Variants in ZNF768 observed in about 807,000 individuals in gnomAD.
ZNF768 encodes zinc finger protein 768.
ZNF768 carries 12 observed loss-of-function variants against 39.7 expected under a neutral mutation model. The ratio of observed to expected loss-of-function variants is 0.30; its 90% CI spans 0.19 to 0.49. The LOEUF (loss-of-function observed/expected upper bound fraction) is 0.49. Ranked by LOEUF, ZNF768 falls within the 20% of genes least tolerant of loss-of-function variation. ZNF768 has a pLI of 0.99. For missense variants in ZNF768, 613 were observed against 723.2 expected (o/e 0.85, Z 1.75); for synonymous variants, 360 against 288.4 (o/e 1.25, Z -2.52).
At chr16:30,529,846 CAG>C (rs1238209412), upstream of ZNF768, among the ~76,000 whole-genome samples, 2 of 128,350 alleles carry the variant, frequency 1.6e-5, no homozygotes, top group Admixed American at 8.7e-5. Flanking sequence ...TTTTTTGAGA[CAG>C]AGTCTCGCTC....
In ZNF768 at chr16:30,525,145, A is replaced by C; in HGVS notation, c.995T>G (p.Leu332Arg). ...CGKAFADSSY[L>R]LRHQRTHSGQ... ...AGAGTGAGTGCGCTGGTGGCGAAGC[A>C]GGTAAGAGCTGTCGGCGAAGGCCTT... Residue 332 changes from leucine to arginine, a missense_variant, in exon 2 of 2, where the codon CTG becomes CGG. Physicochemically the swap from Leu to Arg is moderately radical, Grantham distance 102. Coordinates refer to ENST00000380412, the MANE Select transcript of ZNF768 (RefSeq NM_024671.4). 6.2e-7 allele frequency: 1 copy of C among 1,614,044 alleles called. No homozygotes were observed. Among genetic ancestry groups the C allele is most frequent in the Non-Finnish European group, 8.5e-7 (1 of 1,179,984 alleles).
At chr16:30,530,263 G>A (rs1224867741), upstream of ZNF768, 1 of 152,174 alleles carries the variant, frequency 6.6e-6, no homozygotes, top group East Asian at 1.9e-4. The surrounding 1 kb of genome is among the most constrained non-coding windows in gnomAD (Gnocchi z 4.4). Flanking sequence ...AAAAATTGAC[G>A]AAATGCTGGA....
rs1356458249 is a variant in ZNF768, at chr16:30,525,626, C to T, written c.514G>A (p.Glu172Lys). The T allele has an allele frequency of 2.5e-6, 4 of 1,614,110 alleles. No individual in the cohort carries two copies. The highest frequency in any genetic ancestry group is 4.5e-5 in the East Asian group (2 of 44,900). Reference protein sequence around the residue: ...EFEAQSSKFQEGAEMLLNPEE... With the variant: ...EFEAQSSKFQKGAEMLLNPEE... ...GGGTTCAGAAGCATCTCCGCACCTT[C>T]CTGGAATTTGGAACTTTGAGCTTCA... Residue 172 changes from glutamate to lysine, a missense_variant, in exon 2 of 2, where the codon GAA (glutamate) becomes AAA (lysine). By Grantham distance (56) the Glu-to-Lys change is moderately conservative (BLOSUM62 1). Transcript: ENST00000380412.
upstream of ZNF768, chr16:30,526,851 C>T (rs1300450581): frequency 2.3e-5 from 23 of 984,488 alleles, no homozygotes; most frequent in Non-Finnish European, 2.8e-5. Context: ...CCCCCGCCGG[C>T]TCGCGCCGCG....
chr16:30,527,304 G>A (rs1345270346), upstream of ZNF768: 3 of 985,834 alleles, frequency 3.0e-6, no homozygotes, highest in African/African-American at 1.7e-5. Flanking sequence ...CCCCCACCCA[G>A]CTCGGCTCCC....
chr16:30,525,936 T>A lies in ZNF768; in HGVS notation c.204A>T (p.Gln68His). 1 of 1,514,452 alleles carries A rather than the reference T, an allele frequency of 6.6e-7. No individual in the cohort carries two copies. The highest frequency in any genetic ancestry group is 8.8e-7 in the Non-Finnish European group (1 of 1,134,444). 93.8% of individuals were successfully genotyped at this position (1,514,452 alleles called of 1,614,324 possible). The part of the protein sequence containing the change: ...LEPQSPGFEP[Q>H]SPEFEPQSPR... ...GGCTTTGGGGTTCAAACTCTGGGCT[T>A]TGTGGCTCAAACCCAGGGCTCTGGG... is the stretch of plus-strand genomic sequence containing the variant. Residue 68 changes from glutamine (Q) to histidine (H), a missense_variant, in exon 2 of 2, where the codon CAA becomes CAT. Gln to His is a conservative substitution (Grantham distance 24). Around this residue, in one of 4 missense-constraint regions of ZNF768, gnomAD observed 347 missense variants for 326.1 expected, o/e 1.06. Transcript: ENST00000380412.
Position 30,526,368 on chromosome 16 carries a change from G to T in ZNF768, c.46C>A (p.Gln16Lys), listed in dbSNP as rs145753318. 8.1e-6 allele frequency: 13 copies of T among 1,604,402 alleles called. No homozygotes were observed. Among genetic ancestry groups the T allele is most frequent in the African/African-American group, 1.4e-5 (1 of 73,860 alleles). Residue 16 changes from glutamine to lysine, a missense_variant, in exon 1 of 2, where the codon CAG (glutamine) becomes AAG (lysine). Gln to Lys is a moderately conservative substitution (Grantham distance 53, BLOSUM62 1). This residue lies in a region of ZNF768 where 347 missense variants were observed against 326.1 expected (regional missense o/e 1.06). Coordinates refer to ENST00000380412, the MANE Select transcript of ZNF768 (RefSeq NM_024671.4). ...LPWGLEPQDVQSSDEMRSPEG... is the reference protein window; with the variant it reads ...LPWGLEPQDVKSSDEMRSPEG... Reference sequence around the variant, plus strand: ...GGGCTCCTCATTTCGTCAGAACTCTGCACATCCTGGGGCTCGAGGCCCCAC... The same window carrying T: ...GGGCTCCTCATTTCGTCAGAACTCTTCACATCCTGGGGCTCGAGGCCCCAC...
Position 30,526,482 on chromosome 16 carries a change from C to T in ZNF768, c.-69G>A, listed in dbSNP as rs557502160. ...TCCCGCGACCCGGCCTCGGTTGCCC[C>T]GAGCCGCGGGCCCCCGCCTCCCGCC... On this transcript the variant is annotated 5_prime_UTR_variant, in exon 1 of 2. Coordinates refer to ENST00000380412, the MANE Select transcript of ZNF768 (RefSeq NM_024671.4). The T allele has an allele frequency of 1.5e-6, 2 of 1,299,800 alleles. No homozygotes were observed. Among genetic ancestry groups the T allele is most frequent in the Non-Finnish European group, 2.0e-6 (2 of 1,023,490 alleles). The allele number at this position is 1,299,800 out of a possible 1,614,324, so 80.5% of individuals were successfully genotyped here.
At chr16:30,526,821 T>A, upstream of ZNF768, 3 of 479,008 alleles carry the variant, frequency 6.3e-6, no homozygotes, top group Non-Finnish European at 7.7e-6. Context: ...GCACAGGAAG[T>A]GTCCGTCCGC....
At position 30,526,056 on chromosome 16, in the gene ZNF768, AG is replaced by A; in HGVS notation, c.89-6del. On this transcript the variant is annotated splice_polypyrimidine_tract_variant and splice_region_variant and intron_variant, in intron 1 of 1. Coordinates refer to ENST00000380412, the MANE Select transcript of ZNF768 (RefSeq NM_024671.4). ...CCTCATTCTCACTCATGTTGCCTGCAGGATGAGAGAATCCAGATCGTGTGAG... is the reference window on the plus strand; with the variant it reads ...CCTCATTCTCACTCATGTTGCCTGCAGATGAGAGAATCCAGATCGTGTGAG... 6 of 1,496,886 alleles carry A rather than the reference AG, an allele frequency of 4.0e-6. No individual in the cohort carries two copies. The highest frequency in any genetic ancestry group is 3.6e-6 in the Non-Finnish European group (4 of 1,126,498). 92.7% of individuals were successfully genotyped at this position (1,496,886 alleles called of 1,614,324 possible).
Position 30,524,762 on chromosome 16 carries a change from G to A in ZNF768, c.1378C>T (p.Pro460Ser), listed in dbSNP as rs559902061. The A allele has an allele frequency of 1.9e-6, 3 of 1,611,096 alleles. No homozygotes were observed. In the South Asian group the frequency reaches 3.3e-5, roughly 18 times the overall value. The change falls in exon 2 of 2, where the codon CCC becomes TCC. Residue 460 changes from proline (P) to serine (S), a missense_variant. Coordinates refer to ENST00000380412, the MANE Select transcript of ZNF768 (RefSeq NM_024671.4). ...CGATTGAAGGTCTTGCCGCAGTCGG[G>A]GCAGCTGTAGGTGCGGCCTGGCAGG... ...THLPGRTYSC[P>S]DCGKTFNRSS...
chr16:30,527,284 G>C (rs1255124283), upstream of ZNF768: 2 of 986,134 alleles, frequency 2.0e-6, no homozygotes, highest in African/African-American at 1.7e-5. Context: ...GCCCGCTCCC[G>C]TTCCTCCGGC....
At chr16:30,526,635 G>C (rs2051329231), upstream of ZNF768, 3 of 974,330 alleles carry the variant, frequency 3.1e-6, no homozygotes, top group Non-Finnish European at 3.7e-6. Flanking sequence ...CCAAGGTCTC[G>C]GCCTCCCCGT....
Position 30,525,555 on chromosome 16 carries a change from C to G in ZNF768, c.585G>C (p.Leu195=). The change falls in exon 2 of 2, where the codon CTG becomes CTC. Residue 195 remains leucine, a synonymous_variant. Transcript: ENST00000380412. The part of the protein sequence containing the change: ...PLNISVGVHP[L]DSFTQGFGEQ... ...CCCCAAACCCCTGAGTGAAGGAGTC[C>G]AGGGGGTGAACTCCTACGGAGATAT... 1 of 1,614,196 alleles carries G rather than the reference C, an allele frequency of 6.2e-7. No homozygotes were observed. Among genetic ancestry groups the G allele is most frequent in the South Asian group, 1.1e-5 (1 of 91,088 alleles).
chr16:30,524,781 T>A lies in ZNF768; in HGVS notation c.1359A>T (p.Pro453=). ...VLAIHARTHL[P]GRTYSCPDCG... is the part of the protein sequence containing the mutation. ...AGTCGGGGCAGCTGTAGGTGCGGCC[T>A]GGCAGGTGGGTGCGGGCGTGGATGG... The change falls in exon 2 of 2, where the codon CCA becomes CCT. Residue 453 remains proline (P), a synonymous_variant. Transcript: ENST00000380412. 2 of 1,611,142 alleles carry A rather than the reference T, an allele frequency of 1.2e-6. No individual in the cohort carries two copies. The highest frequency in any genetic ancestry group is 1.3e-5 in the African/African-American group (1 of 74,668).
At position 30,525,597 on chromosome 16, in the gene ZNF768, C is replaced by G. The variant is rs10871453; in HGVS notation, c.543G>C (p.Glu181Asp). 583,620 of 1,614,046 alleles carry G rather than the reference C, an allele frequency of 0.36. 113,212 individuals are homozygous for G. Among genetic ancestry groups the G allele is most frequent in the African/African-American group, 0.48 (35,855 of 74,978 alleles). Reference sequence around the variant, plus strand: ...CGGAGATATTCAAAGGACTCTTTTCCTCGGGGTTCAGAAGCATCTCCGCAC... The same window carrying G: ...CGGAGATATTCAAAGGACTCTTTTCGTCGGGGTTCAGAAGCATCTCCGCAC... ...QEGAEMLLNP[E>D]EKSPLNISVG... is the part of the protein sequence containing the mutation. Residue 181 changes from glutamate to aspartate, a missense_variant, in exon 2 of 2, where the codon GAG becomes GAC. Coordinates refer to ENST00000380412, the MANE Select transcript of ZNF768 (RefSeq NM_024671.4).
chr16:30,529,344 C>T (rs896338891), upstream of ZNF768, among the ~76,000 whole-genome samples: 1 of 152,256 alleles, frequency 6.6e-6, no homozygotes, highest in African/African-American at 2.4e-5. Flanking sequence ...ACTTTGTTCA[C>T]AGCATTATCT....
At position 30,524,919 on chromosome 16, in the gene ZNF768, G is replaced by A; in HGVS notation, c.1221C>T (p.Gly407=). The change falls in exon 2 of 2, where the codon GGC becomes GGT. Residue 407 remains glycine (G), a synonymous_variant. Coordinates refer to ENST00000380412, the MANE Select transcript of ZNF768 (RefSeq NM_024671.4). The part of the protein sequence containing the change: ...GQRPFSCGIC[G]KSFSQRSALI... ...GGGCCGACCGCTGGGAGAAGCTCTT[G>A]CCGCAGATGCCACAGCTGAAGGGCC... 1 of 1,613,296 alleles carries A rather than the reference G, an allele frequency of 6.2e-7. No homozygotes were observed. The highest frequency in any genetic ancestry group is 8.5e-7 in the Non-Finnish European group (1 of 1,179,840).
chr16:30,524,314 TC>T lies in ZNF768; in HGVS notation c.*202del, dbSNP rs2051299173. The T allele has an allele frequency of 1.3e-6, 1 of 773,056 alleles. No homozygotes were observed. The highest frequency in any genetic ancestry group is 3.6e-5 in the Admixed American group (1 of 28,044). The allele number at this position is 773,056 out of a possible 1,614,324, so 47.9% of individuals were successfully genotyped here. ...ACCTCTCTCCATTTCTCCCAGGGCC[TC>T]CCGCTGCCGGCCTGGCCTCCCTCCA... On this transcript the variant is annotated 3_prime_UTR_variant, in exon 2 of 2. Coordinates refer to ENST00000380412, the MANE Select transcript of ZNF768 (RefSeq NM_024671.4).
Sources: gnomAD v4.1 joint callset for allele counts (sites outside exome capture counted in the v4.1 genomes callset) on GRCh38, gnomAD v4.1.1 for gene constraint, gnomAD v4.1.1 regional missense constraint, Gnocchi (gnomAD v3.1) non-coding constraint, MANE v1.5 for transcripts, NCBI Gene and HGNC (gene_info 2026-07-23, HGNC 2026-07-21) for gene names.